RNF157: variants seen among roughly 807,000 people sequenced by gnomAD.
The protein encoded by RNF157 is E3 ubiquitin ligase RNF157.
Under a neutral mutation model 88.3 loss-of-function variants are expected in RNF157, and 55 were observed. The observed-to-expected ratio is 0.62, with a 90% CI of 0.50 to 0.78. The LOEUF (loss-of-function observed/expected upper bound fraction) is 0.78, where lower values mean the gene tolerates loss of function less well. Among genes scored for constraint, RNF157 ranks in the 30% least tolerant of loss-of-function variants. RNF157 has a pLI of 0.00. For synonymous variants in RNF157, 334 were observed against 341.2 expected (o/e 0.98, Z 0.23); for missense variants, 788 against 860.8 (o/e 0.92, Z 1.06).
At chr17:76,203,691 A>G (rs1169942230) in intron 2 of RNF157, among the ~76,000 whole-genome samples, 1 of 143,260 alleles carries the variant, frequency 7.0e-6, no homozygotes, top group Non-Finnish European at 1.5e-5. Flanking sequence ...ACCTAAGGTG[A>G]CCTCCCCGCC....
In RNF157 at chr17:76,161,812, C is replaced by A; in HGVS notation, c.952+31G>T. On this transcript the variant is annotated intron_variant, in intron 10 of 18. Coordinates refer to ENST00000269391, the MANE Select transcript of RNF157 (RefSeq NM_052916.3). The surrounding 1 kb of genome is among the most constrained non-coding windows in gnomAD (Gnocchi z 4.6). ...AATGTCCTCTTGTCCCCTCTCCCAC[C>A]CACCAGTCCCCCTGCCGCTCTGGGG... The A allele has an allele frequency of 1.9e-6, 3 of 1,606,428 alleles. No individual in the cohort carries two copies. The highest frequency in any genetic ancestry group is 1.1e-5 in the South Asian group (1 of 90,670).
chr17:76,194,998 G>C (rs1031390127), intron 2 of RNF157, among the ~76,000 whole-genome samples: 3 of 152,184 alleles, frequency 2.0e-5, no homozygotes, highest in Non-Finnish European at 4.4e-5. Context: ...CTGGGTGACA[G>C]AGCGAGACTC....
At chr17:76,170,484 T>C (rs989380976) in intron 3 of RNF157, among the ~76,000 whole-genome samples, 3 of 152,116 alleles carry the variant, frequency 2.0e-5, no homozygotes, top group Admixed American at 6.5e-5. Flanking sequence ...TGTGCCTGGG[T>C]CTCTCTTGTC....
At chr17:76,185,236 GAT>G (rs1383575774) in intron 2 of RNF157, among the ~76,000 whole-genome samples, 5 of 152,166 alleles carry the variant, frequency 3.3e-5, no homozygotes, top group African/African-American at 1.2e-4. Context: ...GGCCCCCCCA[GAT>G]AGGAAGCCTC....
intron 13 of RNF157, among the ~76,000 whole-genome samples, chr17:76,156,949 G>C (rs1371106195): frequency 6.6e-6 from 1 of 151,852 alleles, no homozygotes; most frequent in East Asian, 1.9e-4. Flanking sequence ...AGTTCACGCA[G>C]TCCTTCTTTT....
intron 17 of RNF157, 81 bp from the exon 18 acceptor site, chr17:76,152,546 G>A: frequency 4.9e-6 from 4 of 808,574 alleles, no homozygotes; most frequent in Middle Eastern, 2.3e-4. Context: ...AAATCTTAAG[G>A]ATGGAGACAA....
chr17:76,173,914 A>G (rs2069060881), intron 2 of RNF157, 124 bp from the exon 3 acceptor site: 4 of 759,840 alleles, frequency 5.3e-6, no homozygotes, highest in Admixed American at 5.4e-5. Flanking sequence ...CTCCTAATTA[A>G]GTGAGGAAAC....
At chr17:76,148,979 C>T (rs1052180141) in intron 18 of RNF157, among the ~76,000 whole-genome samples, 1 of 152,208 alleles carries the variant, frequency 6.6e-6, no homozygotes, top group Non-Finnish European at 1.5e-5. Context: ...TCCTCAGAGC[C>T]ACATCTGCTT....
In RNF157 at chr17:76,182,760, CATATATATATATATATATATATATAT is replaced by C. The variant is rs377581288; in HGVS notation, c.208-8996_208-8971del. On this transcript the variant is annotated intron_variant, in intron 2 of 18. Transcript: ENST00000269391. ...TTGCTATTAGATTCAGGCCTCGTCT[CATATATATATATATATATATATATAT>C]ATGAGAGATATATATATGAGAGAGA... Among the ~76,000 whole-genome samples the C allele has an allele frequency of 4.1e-3, 382 of 93,344 alleles. 12 individuals are homozygous for C. The highest frequency in any genetic ancestry group is 0.021 in the African/African-American group (363 of 17,276). The allele number at this position is 93,344 out of a possible 152,430, so 61.2% of individuals were successfully genotyped here.
intron 18 of RNF157, 140 bp from the exon 19 acceptor site, chr17:76,145,493 A>G: frequency 1.6e-6 from 1 of 616,014 alleles, no homozygotes; most frequent in Non-Finnish European, 2.9e-6. Flanking sequence ...TGCGAGCCAC[A>G]GCACTCGTGT....
intron 13 of RNF157, among the ~76,000 whole-genome samples, chr17:76,158,034 A>T (rs1231045896): frequency 1.3e-5 from 2 of 150,672 alleles, no homozygotes; most frequent in Admixed American, 6.6e-5. Context: ...CAGCCGTGAC[A>T]CTCCCTTCCC....
intron 18 of RNF157, among the ~76,000 whole-genome samples, chr17:76,149,924 C>A (rs756356230): frequency 2.0e-5 from 3 of 152,084 alleles, no homozygotes; most frequent in Non-Finnish European, 2.9e-5. Context: ...ATCCCAGCTA[C>A]TCAGGAGGCT....
Position 76,146,893 on chromosome 17 carries a change from C to T in RNF157, c.1922-1540G>A, listed in dbSNP as rs2068593860. ...GTGTCCAGGGTCAGCCTCAGGCCAG[C>T]CCAGGACATGAAACCCTTTAATGGC... On this transcript the variant is annotated intron_variant, in intron 18 of 18. Coordinates refer to ENST00000269391, the MANE Select transcript of RNF157 (RefSeq NM_052916.3). This position sits in a 1 kb window ranked among gnomAD's most constrained non-coding sequence, Gnocchi z 4.2. The T allele has an allele frequency of 1.3e-5, 13 of 985,314 alleles. No individual in the cohort carries two copies. The South Asian group carries it at 6.1e-4, about 46-fold the overall frequency. The allele number at this position is 985,314 out of a possible 1,614,324, so 61.0% of individuals were successfully genotyped here. A position where few individuals can be genotyped will look rare whatever the true frequency, so the allele number is the denominator to read the frequency against.
At chr17:76,200,845 C>A (rs1205621866) in intron 2 of RNF157, among the ~76,000 whole-genome samples, 2 of 152,146 alleles carry the variant, frequency 1.3e-5, no homozygotes, top group Non-Finnish European at 2.9e-5. Context: ...TTCGAATCAA[C>A]TGTTTCTAAA....
chr17:76,233,681 A>G (rs749123954), intron 1 of RNF157, among the ~76,000 whole-genome samples: 2 of 152,040 alleles, frequency 1.3e-5, no homozygotes, highest in Non-Finnish European at 2.9e-5. Context: ...ATATCATGCC[A>G]CCATGCCCAG....
chr17:76,232,116 C>T (rs956259253), intron 1 of RNF157, among the ~76,000 whole-genome samples: 3 of 152,178 alleles, frequency 2.0e-5, no homozygotes, highest in African/African-American at 7.2e-5. Context: ...GGCGTGTTGT[C>T]TCATGCCTGT....
chr17:76,170,496 A>G (rs2068997041), intron 3 of RNF157, among the ~76,000 whole-genome samples: 1 of 152,112 alleles, frequency 6.6e-6, no homozygotes, highest in Non-Finnish European at 1.5e-5. Flanking sequence ...TCTCTTGTCC[A>G]GAGATTCTCT....
intron 18 of RNF157, among the ~76,000 whole-genome samples, chr17:76,149,353 G>T (rs2068637738): frequency 6.6e-6 from 1 of 151,904 alleles, no homozygotes; most frequent in South Asian, 2.1e-4. Flanking sequence ...TCCATGAAGG[G>T]AGTGGCACCC....
chr17:76,182,822 ATATATCC>A (rs2144913506), intron 2 of RNF157, among the ~76,000 whole-genome samples: 9 of 129,388 alleles, frequency 7.0e-5, no homozygotes, highest in African/African-American at 2.0e-4. Flanking sequence ...TATATATCCT[ATATATCC>A]TATATATGAT....
Sources: gnomAD v4.1 joint callset for allele counts (sites outside exome capture counted in the v4.1 genomes callset) on GRCh38, gnomAD v4.1.1 for gene constraint, Gnocchi (gnomAD v3.1) non-coding constraint, MANE v1.5 for transcripts, NCBI Gene and HGNC (gene_info 2026-07-23, HGNC 2026-07-21) for gene names.